The following PREP variants were observed in gnomAD, a reference collection of about 807,000 sequenced individuals.
PREP encodes dJ355L5.1 (prolyl endopeptidase).
A neutral mutation model predicts 87.6 loss-of-function variants in PREP; 29 were observed. The ratio of observed to expected loss-of-function variants is 0.33; its 90% confidence interval spans 0.25 to 0.45. PREP has a LOEUF of 0.45. Among genes scored for constraint, PREP ranks in the 20% least tolerant of loss-of-function variants. The pLI, the probability that PREP is intolerant of heterozygous loss-of-function variation, is 1.00. For missense variants in PREP, 695 were observed against 886.5 expected (o/e 0.78, Z 2.74); for synonymous variants, 337 against 328.6 (o/e 1.03, Z -0.28).
chr6:105,316,165 T>C (rs1241570806), intron 10 of PREP, among the ~76,000 whole-genome samples: 2 of 152,234 alleles, frequency 1.3e-5, no homozygotes, highest in South Asian at 2.1e-4. Flanking sequence ...TCACTAAGCA[T>C]AATAATTTCT....
At chr6:105,364,984 T>A (rs1772349703) in intron 6 of PREP, among the ~76,000 whole-genome samples, 1 of 152,230 alleles carries the variant, frequency 6.6e-6, no homozygotes, top group African/African-American at 2.4e-5. Flanking sequence ...GCACAGTGGC[T>A]CACGCCTGTA....
intron 7 of PREP, among the ~76,000 whole-genome samples, chr6:105,338,389 G>A (rs138284885): frequency 1.3e-4 from 20 of 152,318 alleles, no homozygotes; most frequent in Non-Finnish European, 2.2e-4. Context: ...TGAAGATGTG[G>A]CACAGATGAA....
chr6:105,342,367 T>C (rs980248592), intron 7 of PREP, among the ~76,000 whole-genome samples: 13 of 152,292 alleles, frequency 8.5e-5, no homozygotes, highest in Admixed American at 7.8e-4. Context: ...AAACTAGGTA[T>C]TGATGGGATG....
intron 7 of PREP, among the ~76,000 whole-genome samples, chr6:105,339,690 T>C (rs1771583664): frequency 1.3e-5 from 2 of 152,232 alleles, no homozygotes; most frequent in South Asian, 4.1e-4. Flanking sequence ...GAGAAGACCT[T>C]AAATGACCTG....
At chr6:105,333,260 T>C in intron 8 of PREP, 54 bp downstream of exon 8, 5 of 1,518,122 alleles carry the variant, frequency 3.3e-6, no homozygotes, top group Admixed American at 1.7e-5. Flanking sequence ...CACTAACTTG[T>C]TGATGTTCTC....
intron 10 of PREP, among the ~76,000 whole-genome samples, chr6:105,316,334 T>A (rs529206921): frequency 1.3e-5 from 2 of 152,202 alleles, no homozygotes; most frequent in African/African-American, 4.8e-5. Context: ...AGCTGACGGA[T>A]GGAGCAGTCA....
chr6:105,290,948 C>T (rs1770285543), intron 10 of PREP, among the ~76,000 whole-genome samples: 1 of 152,134 alleles, frequency 6.6e-6, no homozygotes, highest in South Asian at 2.1e-4. Flanking sequence ...TACAGGCATA[C>T]CTCGGAGATA....
chr6:105,327,150 C>T (rs1372503433), intron 9 of PREP, among the ~76,000 whole-genome samples: 5 of 152,112 alleles, frequency 3.3e-5, no homozygotes, highest in Admixed American at 1.3e-4. Context: ...ATTTAAGATA[C>T]GAAATTTTCC....
At chr6:105,324,742 T>A (rs1434932211) in intron 9 of PREP, among the ~76,000 whole-genome samples, 2 of 152,232 alleles carry the variant, frequency 1.3e-5, no homozygotes, top group Non-Finnish European at 2.9e-5. Flanking sequence ...GTCCTTTCTT[T>A]CTTCTCGACT....
intron 6 of PREP, among the ~76,000 whole-genome samples, chr6:105,366,030 G>A (rs938619083): frequency 4.6e-5 from 7 of 152,074 alleles, no homozygotes; most frequent in African/African-American, 1.4e-4. Context: ...TGAGGCCGGC[G>A]GATGACCTGA....
intron 7 of PREP, among the ~76,000 whole-genome samples, chr6:105,338,709 G>A (rs563347513): frequency 1.9e-4 from 29 of 152,320 alleles, no homozygotes; most frequent in Non-Finnish European, 2.5e-4. Flanking sequence ...CTTTTCCAAC[G>A]GTCTTAGCAA....
At chr6:105,375,591 G>C (rs1772667280) in intron 4 of PREP, among the ~76,000 whole-genome samples, 1 of 152,178 alleles carries the variant, frequency 6.6e-6, no homozygotes, top group South Asian at 2.1e-4. Context: ...CATCTTCAGG[G>C]AACAGGATAC....
At chr6:105,372,884 G>C (rs1772595336) in intron 5 of PREP, among the ~76,000 whole-genome samples, 1 of 152,124 alleles carries the variant, frequency 6.6e-6, no homozygotes, top group Non-Finnish European at 1.5e-5. Flanking sequence ...ATTGAAAAGG[G>C]GCTGGCCCTC....
chr6:105,333,004 T>C (rs765658726), intron 8 of PREP, among the ~76,000 whole-genome samples: 2 of 152,254 alleles, frequency 1.3e-5, no homozygotes, highest in Non-Finnish European at 2.9e-5. Flanking sequence ...TAAATGTTCA[T>C]GATTATTACC....
intron 8 of PREP, among the ~76,000 whole-genome samples, chr6:105,329,373 G>C (rs903414510): frequency 6.6e-6 from 1 of 152,072 alleles, no homozygotes; most frequent in South Asian, 2.1e-4. Context: ...AACTGGTCTT[G>C]AACTCCTGGC....
chr6:105,320,545 T>A (rs919351890), intron 10 of PREP, among the ~76,000 whole-genome samples: 1 of 152,220 alleles, frequency 6.6e-6, no homozygotes, highest in African/African-American at 2.4e-5. Context: ...TCTCCTTGGC[T>A]GGTCTATTTT....
intron 2 of PREP, among the ~76,000 whole-genome samples, chr6:105,382,104 C>G (rs1350292073): frequency 1.3e-5 from 2 of 151,172 alleles, no homozygotes; most frequent in African/African-American, 4.9e-5. Context: ...TTAAAGGAGT[C>G]AAACTCACAG....
At chr6:105,401,535 G>T (rs1377948921) in intron 1 of PREP, among the ~76,000 whole-genome samples, 1 of 152,202 alleles carries the variant, frequency 6.6e-6, no homozygotes, top group Non-Finnish European at 1.5e-5. Context: ...GACAGAACCA[G>T]AACTAGCGCT....
At position 105,333,594 on chromosome 6, in the gene PREP, T is replaced by A; in HGVS notation, c.824-89A>T. On this transcript the variant is annotated intron_variant, in intron 7 of 14. Transcript: ENST00000652536. ...TAGGGAGGGGAGGGTGGATCTTTCT[T>A]ATCCTCAAAACATAAAGCAGAGATA... 3.1e-6 allele frequency: 4 copies of A among 1,289,110 alleles called. No homozygotes were observed. The South Asian group carries it at 5.1e-5, about 17-fold the overall frequency. The allele number at this position is 1,289,110 out of a possible 1,614,324, so 79.9% of individuals were successfully genotyped here. A position where few individuals can be genotyped will look rare whatever the true frequency, so the allele number is the denominator to read the frequency against.
Sources: gnomAD v4.1 joint callset for allele counts (sites outside exome capture counted in the v4.1 genomes callset) on GRCh38, gnomAD v4.1.1 for gene constraint, MANE v1.5 for transcripts, NCBI Gene and HGNC (gene_info 2026-07-23, HGNC 2026-07-21) for gene names.